The following RGS7 variants were observed in gnomAD, a reference collection of about 807,000 sequenced individuals.
The protein encoded by RGS7 is regulator of G-protein signaling 7.
Under a neutral mutation model 81.1 loss-of-function variants are expected in RGS7, and 27 were observed. The observed-to-expected ratio is 0.33, with a 90% CI of 0.25 to 0.46. RGS7 has a LOEUF of 0.46. Ranked by LOEUF, RGS7 falls within the 20% of genes least tolerant of loss-of-function variation. The probability of loss-of-function intolerance (pLI) is 1.00; values close to 1 mark genes in which losing one functional copy is unlikely to be tolerated. For missense variants in RGS7, 396 were observed against 607.4 expected, an observed-to-expected ratio of 0.65 and a Z score of 3.66; for synonymous variants, 208 against 207.7, an observed-to-expected ratio of 1.00 and a Z score of -0.01.
In RGS7 at chr1:241,353,091, T is replaced by C. The variant is rs540062393; in HGVS notation, c.78+2608A>G. On this transcript the variant is annotated intron_variant, in intron 2 of 18. Coordinates refer to ENST00000440928, the MANE Select transcript of RGS7 (RefSeq NM_001364886.1). ...AGTCAATAGAACAGCAATTTCTCTA[T>C]CCTTTCTCTCCACTGTTACTAAGCA... 1.6e-4 allele frequency among the ~76,000 whole-genome samples: 25 copies of C among 152,354 alleles called. No homozygotes were observed. The South Asian group carries it at 3.7e-3, about 23-fold the overall frequency.
At chr1:241,125,439 C>T (rs997069394) in intron 2 of RGS7, among the ~76,000 whole-genome samples, 1 of 151,956 alleles carries the variant, frequency 6.6e-6, no homozygotes, top group Non-Finnish European at 1.5e-5. Context: ...CACACACACA[C>T]ACACACACAC....
chr1:240,827,472 G>A (rs746438183), intron 9 of RGS7, among the ~76,000 whole-genome samples: 3 of 152,150 alleles, frequency 2.0e-5, no homozygotes, highest in South Asian at 2.1e-4. Flanking sequence ...TACGTATAGC[G>A]ACAAACCCGA....
chr1:241,229,606 A>G (rs1341162174), intron 2 of RGS7, among the ~76,000 whole-genome samples: 1 of 152,174 alleles, frequency 6.6e-6, no homozygotes, highest in African/African-American at 2.4e-5. Context: ...TATACCAGAG[A>G]TGGTTTAATA....
intron 3 of RGS7, among the ~76,000 whole-genome samples, chr1:241,066,000 A>C (rs774941738): frequency 5.2e-4 from 79 of 152,330 alleles, no homozygotes; most frequent in Non-Finnish European, 9.9e-4. Context: ...ATACACAGTA[A>C]AAAAGCATCT....
intron 2 of RGS7, among the ~76,000 whole-genome samples, chr1:241,150,271 A>G (rs1323190381): frequency 2.6e-5 from 4 of 152,274 alleles, no homozygotes; most frequent in South Asian, 2.1e-4. Context: ...TAACCCATTT[A>G]TAGAGATGTA....
At chr1:240,844,040 G>C (rs1367518645) in intron 9 of RGS7, among the ~76,000 whole-genome samples, 1 of 152,152 alleles carries the variant, frequency 6.6e-6, no homozygotes. Flanking sequence ...GCCTGAGTGT[G>C]TTTGTACACA....
At chr1:240,973,308 C>A (rs1270698422) in intron 4 of RGS7, among the ~76,000 whole-genome samples, 1 of 151,990 alleles carries the variant, frequency 6.6e-6, no homozygotes, top group Non-Finnish European at 1.5e-5. Context: ...CACCTGAGGT[C>A]AGGAGTTTGA....
At chr1:240,924,382 C>T (rs1001638129) in intron 6 of RGS7, among the ~76,000 whole-genome samples, 1 of 152,174 alleles carries the variant, frequency 6.6e-6, no homozygotes, top group African/African-American at 2.4e-5. Context: ...ACCTTCACAA[C>T]ATACTGGAGA....
At chr1:241,076,521 T>C (rs2062810363) in intron 3 of RGS7, among the ~76,000 whole-genome samples, 2 of 152,144 alleles carry the variant, frequency 1.3e-5, no homozygotes, top group African/African-American at 4.8e-5. Flanking sequence ...TAGTGTTCAG[T>C]GTGAATCAAT....
At chr1:240,780,082 T>C (rs1483415209) in intron 18 of RGS7, among the ~76,000 whole-genome samples, 1 of 152,248 alleles carries the variant, frequency 6.6e-6, no homozygotes. Context: ...CTGTAGTCTC[T>C]GTGCTATGAA....
chr1:241,249,452 T>C (rs2076724293), intron 2 of RGS7, among the ~76,000 whole-genome samples: 1 of 152,182 alleles, frequency 6.6e-6, no homozygotes, highest in African/African-American at 2.4e-5. Context: ...TTTATGCCAA[T>C]ACTACACTGT....
chr1:241,281,714 T>C (rs1436574890), intron 2 of RGS7, among the ~76,000 whole-genome samples: 2 of 152,196 alleles, frequency 1.3e-5, no homozygotes, highest in Admixed American at 1.3e-4. Context: ...TTTCTTAAGA[T>C]TTTCTTAGTA....
chr1:241,020,189 A>T (rs573431006), intron 3 of RGS7, among the ~76,000 whole-genome samples: 5 of 152,352 alleles, frequency 3.3e-5, no homozygotes, highest in African/African-American at 1.2e-4. Flanking sequence ...AAAGTCTGGT[A>T]TGAAGTAGGG....
chr1:241,214,949 T>A (rs996701334), intron 2 of RGS7, among the ~76,000 whole-genome samples: 4 of 152,242 alleles, frequency 2.6e-5, no homozygotes, highest in Non-Finnish European at 5.9e-5. Flanking sequence ...TTTTTTCCTA[T>A]GGATTCTTTA....
At chr1:241,162,386 G>A (rs1293787082) in intron 2 of RGS7, among the ~76,000 whole-genome samples, 4 of 152,292 alleles carry the variant, frequency 2.6e-5, no homozygotes, top group South Asian at 2.1e-4. Context: ...AACACACTGC[G>A]CACGCAGCCC....
In RGS7 at chr1:240,955,814, T is replaced by C. The variant is rs562226567; in HGVS notation, c.227-19108A>G. On this transcript the variant is annotated intron_variant, in intron 4 of 18. Coordinates refer to ENST00000440928, the MANE Select transcript of RGS7 (RefSeq NM_001364886.1). ...GTTTTAACACAACACAACCAATTGT[T>C]ATGTAAAAAAGAAAGGCCTGACACT... is the stretch of plus-strand genomic sequence containing the variant. Among the ~76,000 whole-genome samples, 10 of 152,272 alleles carry C rather than the reference T, an allele frequency of 6.6e-5. No individual in the cohort carries two copies. The East Asian group carries it at 1.9e-3, about 29-fold the overall frequency.
At chr1:240,839,901 C>T (rs1279873988) in intron 9 of RGS7, among the ~76,000 whole-genome samples, 4 of 152,108 alleles carry the variant, frequency 2.6e-5, no homozygotes, top group South Asian at 2.1e-4. Flanking sequence ...AGACTCAAGC[C>T]ATCACCAAGG....
At chr1:240,971,268 T>C (rs1683168916) in intron 4 of RGS7, among the ~76,000 whole-genome samples, 1 of 152,164 alleles carries the variant, frequency 6.6e-6, no homozygotes, top group Non-Finnish European at 1.5e-5. Flanking sequence ...GACCTTGGAC[T>C]TCCCAGTTTC....
At chr1:240,786,870 G>A (rs1685162455) in intron 18 of RGS7, among the ~76,000 whole-genome samples, 1 of 152,096 alleles carries the variant, frequency 6.6e-6, no homozygotes, top group Non-Finnish European at 1.5e-5. Flanking sequence ...TTCAGATTGT[G>A]TTCTATATTT....
Sources: gnomAD v4.1 joint callset for allele counts (sites outside exome capture counted in the v4.1 genomes callset) on GRCh38, gnomAD v4.1.1 for gene constraint, MANE v1.5 for transcripts, NCBI Gene and HGNC (gene_info 2026-07-23, HGNC 2026-07-21) for gene names.